Variants in LDB2 observed in about 807,000 individuals in gnomAD.
The protein encoded by LDB2 is LIM domain-binding protein 2.
Under a neutral mutation model 44.3 loss-of-function variants are expected in LDB2, and 12 were observed. That is an observed-to-expected ratio of 0.27 (90% CI 0.17 to 0.44). The LOEUF (loss-of-function observed/expected upper bound fraction) is 0.44. LDB2 is among the 20% of genes least tolerant of loss of function. The probability of loss-of-function intolerance (pLI) is 1.00; values close to 1 mark genes in which losing one functional copy is unlikely to be tolerated. For missense variants in LDB2, 344 were observed against 473.5 expected, an observed-to-expected ratio of 0.73 and a Z score of 2.54; for synonymous variants, 164 against 174.8, an observed-to-expected ratio of 0.94 and a Z score of 0.49.
intron 5 of LDB2, among the ~76,000 whole-genome samples, chr4:16,520,210 G>T (rs1356257677): frequency 6.6e-6 from 1 of 151,828 alleles, no homozygotes; most frequent in Non-Finnish European, 1.5e-5. Context: ...TGGGGGTGGG[G>T]GGAGATTAAA....
chr4:16,893,509 C>A (rs1226021017), intron 1 of LDB2, among the ~76,000 whole-genome samples: 1 of 150,998 alleles, frequency 6.6e-6, no homozygotes, highest in Non-Finnish European at 1.5e-5. Flanking sequence ...GACTAAGAAT[C>A]CCCCTCCTCC....
At chr4:16,512,547 G>A (rs943815994) in intron 5 of LDB2, among the ~76,000 whole-genome samples, 3 of 152,160 alleles carry the variant, frequency 2.0e-5, no homozygotes, top group Non-Finnish European at 4.4e-5. Context: ...ATAACCACAC[G>A]CTGTGAGTTA....
intron 5 of LDB2, among the ~76,000 whole-genome samples, chr4:16,560,517 A>G (rs903027047): frequency 6.6e-6 from 1 of 152,188 alleles, no homozygotes; most frequent in Non-Finnish European, 1.5e-5. Context: ...ACTAAACCAG[A>G]AAGAAGTTGA....
chr4:16,818,359 G>C (rs1335455819), intron 1 of LDB2, among the ~76,000 whole-genome samples: 1 of 152,162 alleles, frequency 6.6e-6, no homozygotes, highest in Non-Finnish European at 1.5e-5. Flanking sequence ...CCCACTCCAG[G>C]CAGAACGCAA....
intron 7 of LDB2, chr4:16,505,831 AC>A: frequency 6.5e-7 from 1 of 1,539,226 alleles, no homozygotes; most frequent in Non-Finnish European, 8.8e-7. Flanking sequence ...CCGTGCAAAG[AC>A]CACCAACCTC....
intron 1 of LDB2, among the ~76,000 whole-genome samples, chr4:16,834,289 T>A (rs1381748776): frequency 6.6e-6 from 1 of 152,220 alleles, no homozygotes; most frequent in Non-Finnish European, 1.5e-5. Flanking sequence ...AAGCATTTGG[T>A]CTGCAATATG....
At chr4:16,578,861 C>T (rs1028782287) in intron 5 of LDB2, among the ~76,000 whole-genome samples, 1 of 152,064 alleles carries the variant, frequency 6.6e-6, no homozygotes, top group African/African-American at 2.4e-5. Flanking sequence ...ACTATTCAGT[C>T]ATATAAAAGA....
intron 1 of LDB2, among the ~76,000 whole-genome samples, chr4:16,837,465 T>C (rs1421228053): frequency 2.0e-5 from 3 of 152,238 alleles, no homozygotes; most frequent in Admixed American, 6.5e-5. Context: ...TCTTCCCACG[T>C]TGACTCTGGA....
chr4:16,591,279 G>T (rs984874303), intron 3 of LDB2, among the ~76,000 whole-genome samples: 3 of 152,202 alleles, frequency 2.0e-5, no homozygotes, highest in Non-Finnish European at 4.4e-5. Context: ...TCCTCTGACA[G>T]ATTACTCAGT....
chr4:16,563,072 G>A (rs893139460), intron 5 of LDB2, among the ~76,000 whole-genome samples: 2 of 151,794 alleles, frequency 1.3e-5, no homozygotes, highest in African/African-American at 2.4e-5. Context: ...GTTGTGGGGT[G>A]GGGGGAGAGG....
chr4:16,685,855 C>T (rs1023955831), intron 2 of LDB2, among the ~76,000 whole-genome samples: 1 of 152,076 alleles, frequency 6.6e-6, no homozygotes, highest in Non-Finnish European at 1.5e-5. Context: ...TCGCAACCAG[C>T]CTAGCCAACA....
At chr4:16,738,404 A>G (rs1279298651) in intron 2 of LDB2, among the ~76,000 whole-genome samples, 1 of 152,202 alleles carries the variant, frequency 6.6e-6, no homozygotes, top group Non-Finnish European at 1.5e-5. Flanking sequence ...AGGAGGAGGA[A>G]GGTGAGGAGA....
intron 5 of LDB2, among the ~76,000 whole-genome samples, chr4:16,572,680 A>G (rs1747002223): frequency 6.6e-6 from 1 of 151,992 alleles, no homozygotes; most frequent in Non-Finnish European, 1.5e-5. Context: ...ACCTGTCTGT[A>G]ACTTATGGTT....
At chr4:16,700,455 C>G (rs1259797501) in intron 2 of LDB2, among the ~76,000 whole-genome samples, 1 of 152,142 alleles carries the variant, frequency 6.6e-6, no homozygotes, top group East Asian at 1.9e-4. Context: ...AAACCCAGCC[C>G]CCCATTTCAC....
At chr4:16,887,828 T>C (rs900975909) in intron 1 of LDB2, among the ~76,000 whole-genome samples, 2 of 152,068 alleles carry the variant, frequency 1.3e-5, no homozygotes, top group African/African-American at 4.8e-5. Context: ...AAATGAAGTA[T>C]AGGACAATGT....
At position 16,762,037 on chromosome 4, in the gene LDB2, G is replaced by GA. The variant is rs1768038623; in HGVS notation, c.133-2778dup. The stretch of plus-strand genomic sequence containing the variant: ...AGAAAACTAAATGGAATAGAAAATA[G>GA]AAAAATTGGCCAGCCAGGCGTGGTG... On this transcript the variant is annotated intron_variant, in intron 1 of 7. Coordinates refer to ENST00000304523, the MANE Select transcript of LDB2 (RefSeq NM_001290.5). 2.6e-5 allele frequency among the ~76,000 whole-genome samples: 4 copies of GA among 152,048 alleles called. No homozygotes were observed. The South Asian group carries it at 8.3e-4, about 32-fold the overall frequency.
At chr4:16,831,120 C>T (rs551716566) in intron 1 of LDB2, among the ~76,000 whole-genome samples, 2 of 151,662 alleles carry the variant, frequency 1.3e-5, no homozygotes, top group African/African-American at 4.8e-5. Context: ...GGATTTAGAT[C>T]CCAGCTCCAT....
chr4:16,837,381 G>A (rs1785063270), intron 1 of LDB2, among the ~76,000 whole-genome samples: 1 of 152,076 alleles, frequency 6.6e-6, no homozygotes, highest in Non-Finnish European at 1.5e-5. Context: ...TTATTATTTA[G>A]GTCAGGGTCA....
intron 5 of LDB2, among the ~76,000 whole-genome samples, chr4:16,584,187 T>G (rs1476600893): frequency 6.6e-6 from 1 of 152,242 alleles, no homozygotes; most frequent in South Asian, 2.1e-4. Flanking sequence ...AGGCACTTTC[T>G]GTCCCCAGGC....
Sources: gnomAD v4.1 joint callset for allele counts (sites outside exome capture counted in the v4.1 genomes callset) on GRCh38, gnomAD v4.1.1 for gene constraint, MANE v1.5 for transcripts, NCBI Gene and HGNC (gene_info 2026-07-23, HGNC 2026-07-21) for gene names.